NLGN1: variants seen among roughly 807,000 people sequenced by gnomAD.
The protein encoded by NLGN1 is neuroligin 1, also known as neuroligin-1.
A neutral mutation model predicts 65.5 loss-of-function variants in NLGN1; 12 were observed. The ratio of observed to expected loss-of-function variants is 0.18; its 90% CI spans 0.12 to 0.30. The LOEUF is 0.30. Among genes scored for constraint, NLGN1 ranks in the 10% least tolerant of loss-of-function variants. The pLI is 1.00. For synonymous variants in NLGN1, 350 were observed against 359.5 expected (o/e 0.97, Z 0.30); for missense variants, 750 against 1,007.1 (o/e 0.74, Z 3.46).
chr3:174,244,712 A>G (rs1417448628), intron 4 of NLGN1, among the ~76,000 whole-genome samples: 1 of 151,902 alleles, frequency 6.6e-6, no homozygotes, highest in African/African-American at 2.4e-5. Flanking sequence ...TTAAAAGGCA[A>G]ATTTAAAGTG....
At chr3:173,941,188 C>A (rs574534124) in intron 4 of NLGN1, among the ~76,000 whole-genome samples, 16 of 152,154 alleles carry the variant, frequency 1.1e-4, no homozygotes, top group Non-Finnish European at 1.6e-4. Flanking sequence ...AGTACAGAAT[C>A]ATAATTTGCT....
chr3:174,220,479 T>C (rs1012653741), intron 4 of NLGN1, among the ~76,000 whole-genome samples: 1 of 152,148 alleles, frequency 6.6e-6, no homozygotes, highest in Non-Finnish European at 1.5e-5. Flanking sequence ...CAACATTTCC[T>C]GACAAAGATA....
At chr3:174,020,512 A>G (rs73880314) in intron 4 of NLGN1, among the ~76,000 whole-genome samples, 8,169 of 152,148 alleles carry the variant, frequency 0.054, 694 homozygotes, top group African/African-American at 0.18. Context: ...ATTGATGTCT[A>G]GGTCTTGATG....
chr3:173,538,925 A>G (rs1160097900), intron 2 of NLGN1, among the ~76,000 whole-genome samples: 2 of 150,094 alleles, frequency 1.3e-5, no homozygotes, highest in African/African-American at 4.9e-5. Flanking sequence ...ATCTTCCCCA[A>G]ATTTCCTTGT....
At chr3:173,690,108 A>T (rs961476815) in intron 3 of NLGN1, among the ~76,000 whole-genome samples, 1 of 152,214 alleles carries the variant, frequency 6.6e-6, no homozygotes, top group Non-Finnish European at 1.5e-5. Context: ...AAGTGGTAGC[A>T]GGACTCCAGA....
At chr3:174,240,638 G>A (rs868087230) in intron 4 of NLGN1, among the ~76,000 whole-genome samples, 16 of 152,152 alleles carry the variant, frequency 1.1e-4, no homozygotes, top group Admixed American at 8.5e-4. Flanking sequence ...GAATAGGATA[G>A]AGCAGCATCC....
At chr3:174,030,023 A>G (rs940677553) in intron 4 of NLGN1, among the ~76,000 whole-genome samples, 1 of 152,104 alleles carries the variant, frequency 6.6e-6, no homozygotes, top group Non-Finnish European at 1.5e-5. Context: ...TGGTAAATAC[A>G]TAGTAAATGT....
intron 2 of NLGN1, among the ~76,000 whole-genome samples, chr3:173,473,064 A>G (rs903368062): frequency 2.0e-5 from 3 of 152,220 alleles, no homozygotes; most frequent in Non-Finnish European, 2.9e-5. Flanking sequence ...ATTTTCAAGT[A>G]TAAGAATTTT....
At chr3:173,772,383 T>A (rs1162859616) in intron 3 of NLGN1, among the ~76,000 whole-genome samples, 1 of 152,078 alleles carries the variant, frequency 6.6e-6, no homozygotes, top group Non-Finnish European at 1.5e-5. Context: ...TTCGGGAGGC[T>A]GAGGCAGGAG....
chr3:174,273,574 T>G (rs1749902173), intron 4 of NLGN1, among the ~76,000 whole-genome samples: 1 of 151,606 alleles, frequency 6.6e-6, no homozygotes, highest in Non-Finnish European at 1.5e-5. Flanking sequence ...TGCAAATACT[T>G]CTATCTAAGA....
At chr3:174,198,212 T>G (rs930627733) in intron 4 of NLGN1, among the ~76,000 whole-genome samples, 3 of 152,162 alleles carry the variant, frequency 2.0e-5, no homozygotes, top group African/African-American at 7.2e-5. Flanking sequence ...TTATCAGGTA[T>G]GTATTGTAGG....
At chr3:173,441,626 G>A (rs1375961550) in intron 2 of NLGN1, among the ~76,000 whole-genome samples, 2 of 152,146 alleles carry the variant, frequency 1.3e-5, no homozygotes, top group Non-Finnish European at 1.5e-5. Context: ...TGCCATCTTT[G>A]TGGATGGGGT....
At chr3:173,617,244 A>G (rs1421666567) in intron 3 of NLGN1, among the ~76,000 whole-genome samples, 1 of 151,992 alleles carries the variant, frequency 6.6e-6, no homozygotes, top group Non-Finnish European at 1.5e-5. Context: ...CTTTGTGGTT[A>G]TTTTCTTCAT....
chr3:173,875,998 C>CA (rs375094075), intron 4 of NLGN1, among the ~76,000 whole-genome samples: 187 of 150,192 alleles, frequency 1.2e-3, no homozygotes, highest in African/African-American at 4.3e-3. Context: ...AAAAGCCTCT[C>CA]AAAAAAAAAT....
At chr3:173,807,729 T>A in exon 4 of NLGN1, 1 of 1,613,790 alleles carries the variant, frequency 6.2e-7, no homozygotes, top group Non-Finnish European at 8.5e-7. Flanking sequence ...ATATCCATGG[T>A]GGCTCATATA....
chr3:173,748,665 G>A (rs1775884683), intron 3 of NLGN1, among the ~76,000 whole-genome samples: 1 of 152,116 alleles, frequency 6.6e-6, no homozygotes, highest in Non-Finnish European at 1.5e-5. Flanking sequence ...AACATCACCT[G>A]TAAGTTACTG....
At chr3:174,023,118 G>C (rs140467620) in intron 4 of NLGN1, among the ~76,000 whole-genome samples, 120 of 152,246 alleles carry the variant, frequency 7.9e-4, no homozygotes, top group Admixed American at 3.5e-3. Context: ...AGAAAAATGA[G>C]ACAAGATAGA....
At chr3:174,067,289 A>G (rs574831823) in intron 4 of NLGN1, among the ~76,000 whole-genome samples, 54 of 152,310 alleles carry the variant, frequency 3.5e-4, no homozygotes, top group African/African-American at 1.3e-3. Context: ...GGAATTTAGT[A>G]AAACTAGAAT....
intron 4 of NLGN1, among the ~76,000 whole-genome samples, chr3:173,843,231 C>A (rs942297567): frequency 6.6e-6 from 1 of 152,220 alleles, no homozygotes; most frequent in Admixed American, 6.5e-5. Context: ...GCCCAGCACA[C>A]AAAACCACTT....
Sources: allele counts gnomAD v4.1 joint callset (sites outside exome capture counted in the v4.1 genomes callset), GRCh38; gene constraint gnomAD v4.1.1; transcripts MANE v1.5; gene names NCBI Gene and HGNC (gene_info 2026-07-23, HGNC 2026-07-21).